WWOX: variants seen among roughly 807,000 people sequenced by gnomAD.
The protein encoded by WWOX is WW domain-containing oxidoreductase.
In WWOX, 69 loss-of-function variants were observed where a neutral mutation model predicts 46.2. That is an observed-to-expected ratio of 1.49 (90% confidence interval 1.23 to 1.82). The LOEUF is 1.82. Ranked by LOEUF, WWOX falls within the 40% of genes most tolerant of loss-of-function variation. The pLI, the probability that WWOX is intolerant of heterozygous loss-of-function variation, is 0.00. For missense variants in WWOX, 919 were observed against 542.6 expected (o/e 1.69, Z -6.89); for synonymous variants, 359 against 202.6 (o/e 1.77, Z -6.56).
At chr16:78,677,458 G>A (rs193169301) in intron 8 of WWOX, among the ~76,000 whole-genome samples, 2 of 152,218 alleles carry the variant, frequency 1.3e-5, no homozygotes, top group Admixed American at 1.3e-4. Context: ...AAAAAAATTC[G>A]GATTTCCAGC....
chr16:78,826,007 C>G (rs61287560), intron 8 of WWOX: 3 of 594,000 alleles, frequency 5.1e-6, no homozygotes, highest in Non-Finnish European at 5.8e-6. Context: ...CATAGCATAA[C>G]GGGCTGTCCT....
At chr16:78,760,550 C>G (rs560539134) in intron 8 of WWOX, among the ~76,000 whole-genome samples, 1 of 152,202 alleles carries the variant, frequency 6.6e-6, no homozygotes, top group African/African-American at 2.4e-5. Flanking sequence ...CCCAATCACA[C>G]AGTCAGGAGA....
intron 5 of WWOX, among the ~76,000 whole-genome samples, chr16:78,264,016 G>GTTTTTTTTTTTT (rs1567466234): frequency 9.9e-6 from 1 of 100,962 alleles, no homozygotes; most frequent in African/African-American, 3.9e-5. Flanking sequence ...TTTTTTTTTT[G>GTTTTTTTTTTTT]TTTTTTTGCT....
At chr16:78,694,704 A>G (rs909893161) in intron 8 of WWOX, among the ~76,000 whole-genome samples, 3 of 152,226 alleles carry the variant, frequency 2.0e-5, no homozygotes, top group African/African-American at 7.2e-5. Flanking sequence ...CATATGGCAG[A>G]ATTCATATGT....
chr16:78,277,105 G>C (rs187444558), intron 5 of WWOX, among the ~76,000 whole-genome samples: 26 of 152,268 alleles, frequency 1.7e-4, no homozygotes, highest in Admixed American at 1.6e-3. Context: ...TCTCTTAACA[G>C]AGGGCAAAGA....
chr16:79,206,456 A>T (rs1447903498), intron 8 of WWOX: 1 of 152,224 alleles, frequency 6.6e-6, no homozygotes, highest in East Asian at 1.9e-4. Flanking sequence ...TTCTCTCTAA[A>T]TAAATGGAAA....
intron 8 of WWOX, among the ~76,000 whole-genome samples, chr16:78,676,582 T>C (rs754713579): frequency 3.9e-5 from 6 of 152,120 alleles, no homozygotes; most frequent in Non-Finnish European, 7.3e-5. Context: ...GGATGAAATA[T>C]CGGGCACTCT....
intron 8 of WWOX, among the ~76,000 whole-genome samples, chr16:79,099,931 G>A (rs955075184): frequency 9.9e-5 from 15 of 152,170 alleles, no homozygotes; most frequent in African/African-American, 3.6e-4. Context: ...TCCATACAGT[G>A]GGCAGTCGAG....
Position 78,212,229 on chromosome 16 carries a change from A to G in WWOX, c.516+47940A>G, listed in dbSNP as rs1287111279. 1.4e-4 allele frequency among the ~76,000 whole-genome samples: 21 copies of G among 152,100 alleles called. 1 individual carries two copies. The highest frequency in any genetic ancestry group is 1.3e-3 in the Admixed American group (20 of 15,280). ...TAGTGCTGTCACAGAAGGAAAGCTC[A>G]CTCCATGGAAAAGGGGGGATTGATT... On this transcript the variant is annotated intron_variant, in intron 5 of 8. Coordinates refer to ENST00000566780, the MANE Select transcript of WWOX (RefSeq NM_016373.4).
At chr16:78,506,017 C>G (rs763301802) in intron 8 of WWOX, among the ~76,000 whole-genome samples, 125 of 152,334 alleles carry the variant, frequency 8.2e-4, no homozygotes, top group Middle Eastern at 6.8e-3. Flanking sequence ...CCCGTCAGCC[C>G]CTTCCCGACC....
At chr16:78,154,094 T>A (rs1247865020) in intron 4 of WWOX, among the ~76,000 whole-genome samples, 1 of 152,180 alleles carries the variant, frequency 6.6e-6, no homozygotes, top group Admixed American at 6.5e-5. Context: ...GTGTTCCCTG[T>A]CTGGGTAAAC....
At chr16:79,187,572 G>A (rs957152711) in intron 8 of WWOX, among the ~76,000 whole-genome samples, 4 of 152,150 alleles carry the variant, frequency 2.6e-5, no homozygotes, top group African/African-American at 4.8e-5. Context: ...CCGCCACCAC[G>A]CCCAGCTGAT....
intron 8 of WWOX, among the ~76,000 whole-genome samples, chr16:79,014,441 C>G (rs948544776): frequency 2.6e-5 from 4 of 152,214 alleles, no homozygotes; most frequent in Middle Eastern, 3.4e-3. Flanking sequence ...CTGGATCGTC[C>G]CTCAATTTTC....
intron 7 of WWOX, among the ~76,000 whole-genome samples, chr16:78,428,380 C>T (rs999015071): frequency 2.9e-4 from 44 of 152,162 alleles, no homozygotes; most frequent in African/African-American, 9.7e-4. Flanking sequence ...CTTGCCACTT[C>T]CTGGAGGACT....
At chr16:79,140,697 C>T (rs1484328192) in intron 8 of WWOX, among the ~76,000 whole-genome samples, 2 of 152,204 alleles carry the variant, frequency 1.3e-5, no homozygotes, top group African/African-American at 4.8e-5. Flanking sequence ...CTTCAGAAAA[C>T]ATCTCATTCA....
intron 8 of WWOX, among the ~76,000 whole-genome samples, chr16:78,461,120 T>C (rs905386668): frequency 2.6e-5 from 4 of 152,180 alleles, no homozygotes; most frequent in African/African-American, 9.7e-5. Context: ...AATTCCATGT[T>C]TGATAACTTT....
intron 8 of WWOX, among the ~76,000 whole-genome samples, chr16:78,788,865 A>G (rs1160524095): frequency 1.3e-5 from 2 of 152,208 alleles, no homozygotes; most frequent in Non-Finnish European, 2.9e-5. Flanking sequence ...CTCCACGTAG[A>G]CAGTGTCAGG....
At chr16:78,922,352 A>T (rs909250571) in intron 8 of WWOX, among the ~76,000 whole-genome samples, 20 of 151,660 alleles carry the variant, frequency 1.3e-4, no homozygotes, top group African/African-American at 4.3e-4. Flanking sequence ...TCTTTTTTTC[A>T]GGAATATATT....
At chr16:78,343,862 C>T (rs1293567330) in intron 5 of WWOX, among the ~76,000 whole-genome samples, 2 of 119,688 alleles carry the variant, frequency 1.7e-5, no homozygotes, top group African/African-American at 5.7e-5. Context: ...AAAAGTTTTC[C>T]TTCTGCTGAG....
Sources: allele counts gnomAD v4.1 joint callset (sites outside exome capture counted in the v4.1 genomes callset), GRCh38; gene constraint gnomAD v4.1.1; transcripts MANE v1.5; gene names NCBI Gene and HGNC (gene_info 2026-07-23, HGNC 2026-07-21).